RYR3: variants seen among roughly 807,000 people sequenced by gnomAD.
RYR3 encodes the protein brain ryanodine receptor-calcium release channel.
Under a neutral mutation model 584.3 loss-of-function variants are expected in RYR3, and 207 were observed. That is an observed-to-expected ratio of 0.35 (90% CI 0.32 to 0.40). The LOEUF is 0.40. Among genes scored for constraint, RYR3 ranks in the 10% least tolerant of loss-of-function variants. RYR3 has a pLI of 1.00. For missense variants in RYR3, 5,616 were observed against 6,089.2 expected (o/e 0.92, Z 2.59); for synonymous variants, 2,416 against 2,248.5 (o/e 1.07, Z -2.11).
intron 32 of RYR3, among the ~76,000 whole-genome samples, chr15:33,656,180 A>C (rs1264361934): frequency 6.6e-6 from 1 of 152,236 alleles, no homozygotes; most frequent in Non-Finnish European, 1.5e-5. Context: ...CATGACCTTC[A>C]CACATGATTA....
At chr15:33,780,707 C>T (rs1169596740) in intron 65 of RYR3, among the ~76,000 whole-genome samples, 1 of 152,156 alleles carries the variant, frequency 6.6e-6, no homozygotes, top group East Asian at 1.9e-4. Flanking sequence ...TCAGAAGGTG[C>T]ACATCCACAG....
At chr15:33,765,150 G>C (rs1490810084) in intron 60 of RYR3, among the ~76,000 whole-genome samples, 1 of 150,600 alleles carries the variant, frequency 6.6e-6, no homozygotes, top group African/African-American at 2.4e-5. Flanking sequence ...TTCATCAAAA[G>C]CACCAGGCTT....
chr15:33,505,541 G>C (rs537416603), intron 3 of RYR3, among the ~76,000 whole-genome samples: 43 of 152,294 alleles, frequency 2.8e-4, no homozygotes, highest in African/African-American at 7.9e-4. Context: ...GCCCAGGCTG[G>C]AGTGCAGTGG....
At chr15:33,663,064 A>G (rs2063263029) in intron 35 of RYR3, 116 bp downstream of exon 35, 2 of 327,882 alleles carry the variant, frequency 6.1e-6, no homozygotes, top group Middle Eastern at 6.5e-4. Context: ...TGGCATAGTG[A>G]CTGACCAAGA....
At chr15:33,334,932 A>G (rs772062723) in intron 1 of RYR3, among the ~76,000 whole-genome samples, 3 of 152,230 alleles carry the variant, frequency 2.0e-5, no homozygotes, top group Non-Finnish European at 2.9e-5. Flanking sequence ...AAAATGCTCA[A>G]CATTACTGAT....
intron 65 of RYR3, among the ~76,000 whole-genome samples, chr15:33,781,858 AAG>A (rs1491223117): frequency 4.9e-4 from 63 of 129,640 alleles, no homozygotes; most frequent in Middle Eastern, 3.9e-3. Context: ...AAAAAAAAAA[AAG>A]GGGGGGGGGA....
chr15:33,702,934 G>C (rs1208890646), intron 42 of RYR3, among the ~76,000 whole-genome samples: 1 of 152,074 alleles, frequency 6.6e-6, no homozygotes, highest in Non-Finnish European at 1.5e-5. Context: ...AGTGAACGTG[G>C]GGTGGCTCAA....
At chr15:33,594,953 A>G (rs1023831377) in intron 16 of RYR3, among the ~76,000 whole-genome samples, 5 of 152,228 alleles carry the variant, frequency 3.3e-5, no homozygotes, top group African/African-American at 1.2e-4. Flanking sequence ...ATACAAATAT[A>G]TCCCAAAGAA....
At chr15:33,458,758 A>G (rs757006196) in intron 1 of RYR3, among the ~76,000 whole-genome samples, 3 of 152,150 alleles carry the variant, frequency 2.0e-5, no homozygotes, top group Non-Finnish European at 2.9e-5. Context: ...CTTGAGAAAA[A>G]AGAAACCAGG....
chr15:33,463,957 T>C (rs60418517), intron 1 of RYR3, among the ~76,000 whole-genome samples: 3,383 of 152,234 alleles, frequency 0.022, 131 homozygotes, highest in African/African-American at 0.077. Context: ...AAGAATGTAA[T>C]GAATTCCCAG....
At chr15:33,435,089 G>A (rs184525213) in intron 1 of RYR3, among the ~76,000 whole-genome samples, 30 of 152,162 alleles carry the variant, frequency 2.0e-4, no homozygotes, top group Admixed American at 1.7e-3. Flanking sequence ...CAAAGTGCTG[G>A]GATTACAGGC....
rs751347722 is a variant in RYR3 at position 33,750,207 on chromosome 15, G to T, written c.8320G>T (p.Ala2774Ser). The T allele has an allele frequency of 1.2e-6, 2 of 1,609,402 alleles. No homozygotes were observed. Among genetic ancestry groups the T allele is most frequent in the Non-Finnish European group, 1.7e-6 (2 of 1,177,968 alleles). ...PLLVPYDTLTAKEKFKDREKA... is the reference protein window; with the variant it reads ...PLLVPYDTLTSKEKFKDREKA... ...TCTGGTACCATATGACACCTTGACT[G>T]CCAAGGAAAAGTTCAAGGACCGGGA... The change falls in exon 57 of 104, where the codon GCC (alanine) becomes TCC (serine). Residue 2774 changes from alanine (A) to serine (S), a missense_variant. By Grantham distance (99) the Ala-to-Ser change is moderately conservative. Transcript: ENST00000634891.
chr15:33,839,009 G>GC, intron 89 of RYR3, 51 bp downstream of exon 89: 1 of 1,559,600 alleles, frequency 6.4e-7, no homozygotes. Context: ...AATAAGACTT[G>GC]CCACCATATC....
intron 36 of RYR3, among the ~76,000 whole-genome samples, chr15:33,664,633 G>A (rs1458671428): frequency 2.1e-5 from 2 of 93,660 alleles, no homozygotes; most frequent in East Asian, 2.6e-4. Flanking sequence ...ATACATCTGC[G>A]AGGGAGATGC....
intron 1 of RYR3, among the ~76,000 whole-genome samples, chr15:33,409,616 G>A (rs951018575): frequency 2.6e-5 from 4 of 152,154 alleles, no homozygotes; most frequent in African/African-American, 9.7e-5. Context: ...AAAAACCATT[G>A]TTCCATATCC....
At position 33,837,969 on chromosome 15, in the gene RYR3, T is replaced by C; in HGVS notation, c.11989T>C (p.Leu3997=). The C allele has an allele frequency of 6.2e-7, 1 of 1,614,022 alleles. No individual in the cohort carries two copies. Among genetic ancestry groups the C allele is most frequent in the Non-Finnish European group, 8.5e-7 (1 of 1,179,894 alleles). ...AKDIGFNVAV[L]LTNLSEHMPN... is the part of the protein sequence containing the mutation. ...GGACATAGGGTTTAATGTGGCTGTG[T>C]TATTGACAAATCTTTCTGAACACAT... Residue 3997 remains leucine, a synonymous_variant, in exon 89 of 104, where the codon TTA becomes CTA. Transcript: ENST00000634891.
intron 7 of RYR3, among the ~76,000 whole-genome samples, chr15:33,542,810 T>G (rs1013108723): frequency 6.6e-6 from 1 of 152,144 alleles, no homozygotes; most frequent in Non-Finnish European, 1.5e-5. Context: ...CTGGAGAATT[T>G]CTTAATTCAG....
intron 1 of RYR3, among the ~76,000 whole-genome samples, chr15:33,455,501 G>T (rs1400197574): frequency 7.0e-6 from 1 of 143,396 alleles, no homozygotes; most frequent in Non-Finnish European, 1.6e-5. Context: ...AGAGGAGTAC[G>T]TGCCTTAAAG....
intron 20 of RYR3, among the ~76,000 whole-genome samples, chr15:33,626,009 A>G (rs1382762738): frequency 6.6e-6 from 1 of 152,170 alleles, no homozygotes; most frequent in African/African-American, 2.4e-5. Flanking sequence ...CTTGAAGGCC[A>G]AGGCCTGAAG....
Sources: allele counts gnomAD v4.1 joint callset (sites outside exome capture counted in the v4.1 genomes callset), GRCh38; gene constraint gnomAD v4.1.1; transcripts MANE v1.5; gene names NCBI Gene and HGNC (gene_info 2026-07-23, HGNC 2026-07-21).